Variants in ASMTL observed in about 807,000 individuals in gnomAD.
The protein encoded by ASMTL is acetylserotonin O-methyltransferase like.
In ASMTL, 57 loss-of-function variants were observed where a neutral mutation model predicts 60.3. The ratio of observed to expected loss-of-function variants is 0.95; its 90% CI spans 0.76 to 1.18. The LOEUF (loss-of-function observed/expected upper bound fraction) is 1.18, where lower values mean the gene tolerates loss of function less well. Among genes scored for constraint, ASMTL ranks in the 50% most tolerant of loss-of-function variants. The probability of loss-of-function intolerance (pLI) is 0.00; values close to 1 mark genes in which losing one functional copy is unlikely to be tolerated. For missense variants in ASMTL, 981 were observed against 852.6 expected (o/e 1.15, Z -1.88); for synonymous variants, 419 against 373.0 (o/e 1.12, Z -1.42).
At chrX:1,453,119 C>A (rs1259604645), upstream of ASMTL, among the ~76,000 whole-genome samples, 1 of 150,474 alleles carries the variant, frequency 6.6e-6, no homozygotes, top group Non-Finnish European at 1.5e-5. Context: ...CCATTGATCT[C>A]CCCTGAGACC....
chrX:1,404,132 G>A (rs1421512122), intron 12 of ASMTL, among the ~76,000 whole-genome samples: 1 of 150,912 alleles, frequency 6.6e-6, no homozygotes, highest in Non-Finnish European at 1.5e-5. Flanking sequence ...TGAGATGGAT[G>A]GTTGGGTGAA....
At position 1,432,250 on chromosome X, in the gene ASMTL, C is replaced by G; in HGVS notation, c.509+19G>C. ...CTTCCACACGTGTCCCCCGTCCCCC[C>G]ACCGCCCCCGAGACTCACATGGGCT... On this transcript the variant is annotated intron_variant, in intron 6 of 12. Transcript: ENST00000381317. The G allele has an allele frequency of 4.4e-6, 7 of 1,591,576 alleles. No individual in the cohort carries two copies. The highest frequency in any genetic ancestry group is 2.6e-6 in the Non-Finnish European group (3 of 1,163,582).
chrX:1,403,368 C>A lies in ASMTL; in HGVS notation c.1767G>T (p.Glu589Asp). ...CGTGCAGCTCCAGCAAGCACTGATACTCGCCCAGGCTCCGCTCCTTGCCTT... is the reference window on the plus strand; with the variant it reads ...CGTGCAGCTCCAGCAAGCACTGATAATCGCCCAGGCTCCGCTCCTTGCCTT... ...QTEGKERSLGEYQCLLELHGF... is the reference protein window; with the variant it reads ...QTEGKERSLGDYQCLLELHGF... The change falls in exon 13 of 13, where the codon GAG becomes GAT. Residue 589 changes from glutamate (E) to aspartate (D), a missense_variant. By Grantham distance (45) the Glu-to-Asp change is conservative. Transcript: ENST00000381317. 18 of 1,613,450 alleles carry A rather than the reference C, an allele frequency of 1.1e-5. No individual in the cohort carries two copies. Among genetic ancestry groups the A allele is most frequent in the Non-Finnish European group, 1.5e-5 (18 of 1,179,872 alleles).
intron 7 of ASMTL, among the ~76,000 whole-genome samples, chrX:1,426,439 GCACCCGA>G: frequency 6.6e-6 from 1 of 152,214 alleles, no homozygotes; most frequent in East Asian, 1.9e-4. Flanking sequence ...CGTCCCTCCT[GCACCCGA>G]CATCCCCACC....
chrX:1,412,617 C>G, intron 12 of ASMTL, 115 bp downstream of exon 12: 2 of 1,426,182 alleles, frequency 1.4e-6, no homozygotes, highest in Non-Finnish European at 2.0e-6. Context: ...CCCGCCTCGG[C>G]CTCCCAAAGC....
intron 1 of ASMTL, among the ~76,000 whole-genome samples, chrX:1,449,577 G>A (rs1400564939): frequency 2.0e-5 from 3 of 151,712 alleles, no homozygotes; most frequent in Non-Finnish European, 4.4e-5. Flanking sequence ...CCATCCATAG[G>A]CAACCAGTAA....
intron 5 of ASMTL, among the ~76,000 whole-genome samples, chrX:1,433,734 G>C (rs1323480176): frequency 6.6e-6 from 1 of 151,846 alleles, no homozygotes; most frequent in Non-Finnish European, 1.5e-5. Flanking sequence ...GCTTCTGGTG[G>C]GTGAACACAT....
intron 1 of ASMTL, among the ~76,000 whole-genome samples, chrX:1,446,143 G>C (rs2091226214): frequency 6.6e-6 from 1 of 152,164 alleles, no homozygotes. Flanking sequence ...AAAAGTGTCT[G>C]ATAAGCAGAA....
At chrX:1,443,780 G>T (rs1287191604) in intron 1 of ASMTL, among the ~76,000 whole-genome samples, 2 of 149,552 alleles carry the variant, frequency 1.3e-5, no homozygotes, top group Admixed American at 6.7e-5. Flanking sequence ...CTTGGCCATC[G>T]TGGACACACA....
In ASMTL at chrX:1,433,370, A is replaced by G. The variant is rs375673179; in HGVS notation, c.401-993T>C. Among the ~76,000 whole-genome samples the G allele has an allele frequency of 2.3e-3, 342 of 151,596 alleles. 2 individuals are homozygous for G. The highest frequency in any genetic ancestry group is 7.4e-3 in the African/African-American group (306 of 41,342). ...TGATGTCGTTAATCCTGGCCTTTTA[A>G]GAGACCCAGAAGGGACCGCGCGCGG... On this transcript the variant is annotated intron_variant, in intron 5 of 12. Coordinates refer to ENST00000381317, the MANE Select transcript of ASMTL (RefSeq NM_004192.4).
At chrX:1,429,268 G>A (rs1282747724) in intron 6 of ASMTL, among the ~76,000 whole-genome samples, 3 of 151,494 alleles carry the variant, frequency 2.0e-5, no homozygotes, top group African/African-American at 4.9e-5. Context: ...AGGCTGAAGT[G>A]CAGTGGTACA....
chrX:1,411,019 C>G (rs1400316093), intron 12 of ASMTL, among the ~76,000 whole-genome samples: 5 of 150,862 alleles, frequency 3.3e-5, no homozygotes, highest in Admixed American at 1.3e-4. Context: ...AACCCTGTCT[C>G]TATTAAAAAT....
At chrX:1,419,713 G>A (rs2090421332) in intron 9 of ASMTL, among the ~76,000 whole-genome samples, 1 of 152,192 alleles carries the variant, frequency 6.6e-6, no homozygotes, top group South Asian at 2.1e-4. Flanking sequence ...AGCTGAGGAT[G>A]CTTCTGAGCC....
chrX:1,440,767 C>G (rs1470066246), intron 2 of ASMTL, among the ~76,000 whole-genome samples: 2 of 152,076 alleles, frequency 1.3e-5, no homozygotes, highest in African/African-American at 4.8e-5. Context: ...AGCCCCATCT[C>G]TACTAAAATA....
chrX:1,442,287 AC>A lies in ASMTL; in HGVS notation c.123del (p.Lys41AsnfsTer51). On this transcript the variant is annotated frameshift_variant, in exon 2 of 13. Transcript: ENST00000381317. LOFTEE classifies it high-confidence loss of function. ...AGLRFEVVPS[K>X]FKEKLDKASF... ...GAGGCTTTGTCCAGCTTCTCTTTAA[AC>A]TTGGAGGGGACCACCTCAAACCTGA... 2 of 1,613,822 alleles carry A rather than the reference AC, an allele frequency of 1.2e-6. No homozygotes were observed. Among genetic ancestry groups the A allele is most frequent in the South Asian group, 1.1e-5 (1 of 91,066 alleles).
At chrX:1,436,513 C>G (rs866521976) in intron 3 of ASMTL, among the ~76,000 whole-genome samples, 74 of 145,200 alleles carry the variant, frequency 5.1e-4, no homozygotes, top group South Asian at 6.5e-4. Context: ...CCACCACACC[C>G]GGCTAATTTT....
upstream of ASMTL, chrX:1,452,965 TCCGCGAGGCCACGCCC>T: frequency 1.4e-6 from 1 of 714,074 alleles, no homozygotes; most frequent in Non-Finnish European, 2.1e-6. Flanking sequence ...CCCGCCCGCC[TCCGCGAGGCCACGCCC>T]AGTCCGCGCC....
At chrX:1,434,943 C>G in intron 5 of ASMTL, 79 bp downstream of exon 5, 4 of 1,545,302 alleles carry the variant, frequency 2.6e-6, no homozygotes, top group Non-Finnish European at 3.6e-6. Flanking sequence ...GTCCTCCTCC[C>G]TCAAGCCAAG....
Position 1,428,073 on chromosome X carries a change from C to G in ASMTL, c.558G>C (p.Val186=), listed in dbSNP as rs2090663654. 1 of 1,612,732 alleles carries G rather than the reference C, an allele frequency of 6.2e-7. No homozygotes were observed. Among genetic ancestry groups the G allele is most frequent in the Admixed American group, 1.7e-5 (1 of 59,970 alleles). ...YGIQALGGML[V]ESVHGDFLNV... ...TCAGAAAGTCCCCGTGTACGGACTCCACCAGCATGCCGCCCAGGGCCTGGA... is the reference window on the plus strand; with the variant it reads ...TCAGAAAGTCCCCGTGTACGGACTCGACCAGCATGCCGCCCAGGGCCTGGA... Residue 186 remains valine, a synonymous_variant, in exon 7 of 13, where the codon GTG becomes GTC. Coordinates refer to ENST00000381317, the MANE Select transcript of ASMTL (RefSeq NM_004192.4).
Sources: gnomAD v4.1 joint callset for allele counts (sites outside exome capture counted in the v4.1 genomes callset) on GRCh38, gnomAD v4.1.1 for gene constraint, MANE v1.5 for transcripts, NCBI Gene and HGNC (gene_info 2026-07-23, HGNC 2026-07-21) for gene names.